The following ZNF423 variants were observed in gnomAD, a reference collection of about 807,000 sequenced individuals.
ZNF423 encodes Ebf-associated zinc finger protein.
Under a neutral mutation model 95.8 loss-of-function variants are expected in ZNF423, and 12 were observed. The observed-to-expected ratio is 0.13, with a 90% CI of 0.08 to 0.20. The LOEUF (loss-of-function observed/expected upper bound fraction) is 0.20. Among genes scored for constraint, ZNF423 ranks in the 10% least tolerant of loss-of-function variants. ZNF423 has a pLI of 1.00. For synonymous variants in ZNF423, 749 were observed against 711.9 expected (o/e 1.05, Z -0.83); for missense variants, 1,316 against 1,737.1 (o/e 0.76, Z 4.31).
intron 3 of ZNF423, among the ~76,000 whole-genome samples, chr16:49,701,115 C>T (rs1250791562): frequency 6.6e-6 from 1 of 152,214 alleles, no homozygotes; most frequent in Non-Finnish European, 1.5e-5. Flanking sequence ...TGAAAAAAGG[C>T]AGCTTAAATT....
At chr16:49,782,376 A>G (rs190167290) in intron 2 of ZNF423, among the ~76,000 whole-genome samples, 430 of 152,352 alleles carry the variant, frequency 2.8e-3, no homozygotes, top group Non-Finnish European at 4.4e-3. Flanking sequence ...GTATGTGAAA[A>G]GCACTGGAAA....
intron 3 of ZNF423, among the ~76,000 whole-genome samples, chr16:49,695,031 T>A (rs780241146): frequency 6.6e-6 from 1 of 152,168 alleles, no homozygotes; most frequent in Non-Finnish European, 1.5e-5. Flanking sequence ...CCACAGCCAG[T>A]CCCTTCCCCT....
intron 5 of ZNF423, among the ~76,000 whole-genome samples, chr16:49,551,113 C>G (rs561805982): frequency 6.6e-6 from 1 of 152,238 alleles, no homozygotes; most frequent in African/African-American, 2.4e-5. Flanking sequence ...GTGGGCCCCC[C>G]ACGGAAGGCC....
intron 2 of ZNF423, among the ~76,000 whole-genome samples, chr16:49,760,738 G>A (rs533616158): frequency 6.6e-6 from 1 of 152,008 alleles, no homozygotes; most frequent in Non-Finnish European, 1.5e-5. Flanking sequence ...ACCTGGACCT[G>A]ACTCTTGATT....
chr16:49,694,599 A>C (rs1362408), intron 3 of ZNF423, among the ~76,000 whole-genome samples: 1 of 152,040 alleles, frequency 6.6e-6, no homozygotes, highest in East Asian at 1.9e-4. Flanking sequence ...TCCCATTCTT[A>C]ATACCCCCAG....
chr16:49,750,894 G>A (rs1039940500), intron 2 of ZNF423, among the ~76,000 whole-genome samples: 3 of 152,164 alleles, frequency 2.0e-5, no homozygotes, highest in Non-Finnish European at 4.4e-5. Flanking sequence ...CAGTGATGGG[G>A]AGCAGCAAGC....
intron 3 of ZNF423, among the ~76,000 whole-genome samples, chr16:49,695,043 C>A (rs2031916620): frequency 6.6e-6 from 1 of 152,212 alleles, no homozygotes; most frequent in Non-Finnish European, 1.5e-5. Flanking sequence ...CCTTCCCCTC[C>A]CTGGGCTTCC....
chr16:49,777,246 C>T (rs1198634725), intron 2 of ZNF423, among the ~76,000 whole-genome samples: 2 of 152,188 alleles, frequency 1.3e-5, no homozygotes, highest in Admixed American at 1.3e-4. Flanking sequence ...TATGCATATG[C>T]CAATGTGCAC....
chr16:49,699,484 A>G (rs962863217), intron 3 of ZNF423, among the ~76,000 whole-genome samples: 7 of 151,880 alleles, frequency 4.6e-5, no homozygotes, highest in Admixed American at 1.3e-4. Context: ...CTCCTCCCAC[A>G]CCGTCCCCCG....
At chr16:49,586,855 T>A (rs1970856816) in intron 5 of ZNF423, among the ~76,000 whole-genome samples, 1 of 152,162 alleles carries the variant, frequency 6.6e-6, no homozygotes, top group African/African-American at 2.4e-5. Context: ...TGATTTTTCT[T>A]GTTCACCTCG....
chr16:49,575,797 A>G (rs1970478497), intron 5 of ZNF423, among the ~76,000 whole-genome samples: 1 of 152,178 alleles, frequency 6.6e-6, no homozygotes, highest in African/African-American at 2.4e-5. Context: ...GGACCAGGTG[A>G]GGCCTGGCCT....
chr16:49,533,699 C>G (rs1269224080), intron 5 of ZNF423, among the ~76,000 whole-genome samples: 1 of 152,234 alleles, frequency 6.6e-6, no homozygotes, highest in African/African-American at 2.4e-5. Context: ...AAAACATGGC[C>G]AAGAACCAGG....
At chr16:49,858,875 G>A (rs2035401561), upstream of ZNF423, among the ~76,000 whole-genome samples, 2 of 152,176 alleles carry the variant, frequency 1.3e-5, no homozygotes, top group South Asian at 4.1e-4. The surrounding 1 kb of genome is among the most constrained non-coding windows in gnomAD (Gnocchi z 4.3). Context: ...CGGCGCCTGG[G>A]ATCGAGGCCC....
At chr16:49,849,653 G>A (rs1020912089) in intron 1 of ZNF423, among the ~76,000 whole-genome samples, 1 of 152,162 alleles carries the variant, frequency 6.6e-6, no homozygotes, top group Non-Finnish European at 1.5e-5. Flanking sequence ...CTTGAGGGGG[G>A]TGAGGCAAGA....
chr16:49,609,662 AATAATAAAAATC>A (rs1159872032), intron 5 of ZNF423, among the ~76,000 whole-genome samples: 3 of 152,166 alleles, frequency 2.0e-5, no homozygotes, highest in Admixed American at 2.0e-4. Flanking sequence ...TAGGAGATAG[AATAATAAAAATC>A]ACCCAGAGTT....
chr16:49,827,819 G>GA (rs1371170678), intron 1 of ZNF423, among the ~76,000 whole-genome samples: 1 of 152,146 alleles, frequency 6.6e-6, no homozygotes. Flanking sequence ...TGGGGGTAGA[G>GA]AAAGAGCTAT....
chr16:49,759,620 G>A (rs756427701), intron 2 of ZNF423, among the ~76,000 whole-genome samples: 2 of 152,248 alleles, frequency 1.3e-5, no homozygotes, highest in African/African-American at 2.4e-5. Context: ...GGCAATGGCT[G>A]TTGAAAAGCA....
At chr16:49,790,324 T>G (rs2034391697) in intron 1 of ZNF423, among the ~76,000 whole-genome samples, 1 of 152,246 alleles carries the variant, frequency 6.6e-6, no homozygotes, top group Admixed American at 6.5e-5. Flanking sequence ...ACCACCCAGT[T>G]CTCTCTGCAC....
chr16:49,489,118 C>T lies in ZNF423; in HGVS notation c.*2157G>A, dbSNP rs77082041. On this transcript the variant is annotated 3_prime_UTR_variant, in exon 8 of 8. Coordinates refer to ENST00000563137, the MANE Select transcript of ZNF423 (RefSeq NM_001379286.1). ...GGGGGCAGTGACTAATTTAGCCCTA[C>T]GCCACCAACCGTCAAATCGAATCTT... 0.042 allele frequency: 6,340 copies of T among 152,328 alleles called. 177 individuals are homozygous for T. The highest frequency in any genetic ancestry group is 0.065 in the Middle Eastern group (19 of 294). The allele number at this position is 152,328 out of a possible 1,614,324, so 9.4% of individuals were successfully genotyped here.
Sources: gnomAD v4.1 joint callset for allele counts (sites outside exome capture counted in the v4.1 genomes callset) on GRCh38, gnomAD v4.1.1 for gene constraint, Gnocchi (gnomAD v3.1) non-coding constraint, MANE v1.5 for transcripts, NCBI Gene and HGNC (gene_info 2026-07-23, HGNC 2026-07-21) for gene names.